STXBP5: variants seen among roughly 807,000 people sequenced by gnomAD.
The protein encoded by STXBP5 is syntaxin binding protein 5, also known as syntaxin-binding protein 5.
A neutral mutation model predicts 152.4 loss-of-function variants in STXBP5; 50 were observed. The observed-to-expected ratio is 0.33, with a 90% CI of 0.26 to 0.42. The LOEUF (loss-of-function observed/expected upper bound fraction) is 0.42, where lower values mean the gene tolerates loss of function less well. Among genes scored for constraint, STXBP5 ranks in the 10% least tolerant of loss-of-function variants. The probability of loss-of-function intolerance (pLI) is 1.00; values close to 1 mark genes in which losing one functional copy is unlikely to be tolerated. For missense variants in STXBP5, 1,167 were observed against 1,388.6 expected, an observed-to-expected ratio of 0.84 and a Z score of 2.54; for synonymous variants, 492 against 494.7, an observed-to-expected ratio of 0.99 and a Z score of 0.07.
At chr6:147,367,216 A>G (rs1450784487) in intron 25 of STXBP5, among the ~76,000 whole-genome samples, 5 of 152,220 alleles carry the variant, frequency 3.3e-5, no homozygotes, top group African/African-American at 1.2e-4. Context: ...AGAAGAAAAG[A>G]TAGTGTACTT....
chr6:147,334,532 G>T (rs940288408), intron 19 of STXBP5, among the ~76,000 whole-genome samples: 5 of 152,054 alleles, frequency 3.3e-5, no homozygotes, highest in Non-Finnish European at 5.9e-5. Context: ...AAATGTCTTA[G>T]TTATCTACCA....
intron 8 of STXBP5, among the ~76,000 whole-genome samples, chr6:147,289,817 A>G (rs1311593472): frequency 6.6e-6 from 1 of 152,148 alleles, no homozygotes; most frequent in Non-Finnish European, 1.5e-5. Flanking sequence ...GGCACAACCT[A>G]TCTAGAATAA....
intron 17 of STXBP5, among the ~76,000 whole-genome samples, chr6:147,326,626 G>A (rs1211515572): frequency 1.3e-5 from 2 of 152,110 alleles, no homozygotes; most frequent in African/African-American, 4.8e-5. Context: ...ATAGTTGATT[G>A]GTTTATAGTT....
intron 4 of STXBP5, among the ~76,000 whole-genome samples, chr6:147,251,409 C>T (rs1326819783): frequency 1.3e-5 from 2 of 152,076 alleles, no homozygotes; most frequent in East Asian, 1.9e-4. Context: ...TTTTTCATAT[C>T]GCAGTGGCAC....
intron 2 of STXBP5, among the ~76,000 whole-genome samples, chr6:147,229,425 C>T (rs1777886110): frequency 6.6e-6 from 1 of 151,634 alleles, no homozygotes; most frequent in Non-Finnish European, 1.5e-5. Flanking sequence ...CTATAAACAG[C>T]TGGGATTCTG....
intron 2 of STXBP5, among the ~76,000 whole-genome samples, chr6:147,213,082 G>T (rs1776941852): frequency 1.3e-5 from 2 of 152,086 alleles, no homozygotes; most frequent in Non-Finnish European, 2.9e-5. Context: ...TTGCTAGTAT[G>T]TAATTTGAGT....
chr6:147,228,384 G>A (rs532092446), intron 2 of STXBP5, among the ~76,000 whole-genome samples: 3 of 151,928 alleles, frequency 2.0e-5, no homozygotes, highest in Admixed American at 6.6e-5. Flanking sequence ...GCAAGTGGTC[G>A]CTTGTTTGTT....
intron 23 of STXBP5, among the ~76,000 whole-genome samples, chr6:147,361,509 G>C (rs574003913): frequency 5.6e-4 from 86 of 152,214 alleles, no homozygotes; most frequent in South Asian, 1.2e-3. Flanking sequence ...CGGTATTGGA[G>C]CCCTGAGAAG....
In STXBP5 at chr6:147,390,222, C is replaced by CT. The variant is rs1353287452; in HGVS notation, c.*5468dup. 1 of 152,058 alleles carries CT rather than the reference C, an allele frequency of 6.6e-6. No individual in the cohort carries two copies. The highest frequency in any genetic ancestry group is 1.9e-4 in the East Asian group (1 of 5,168). The allele number at this position is 152,058 out of a possible 1,614,324, so 9.4% of individuals were successfully genotyped here. A position where few individuals can be genotyped will look rare whatever the true frequency, so the allele number is the denominator to read the frequency against. On this transcript the variant is annotated 3_prime_UTR_variant, in exon 28 of 28. Transcript: ENST00000321680. ...AAAAAGAAAAGCACTATTGGAAACA[C>CT]TAAAAACGTGTTAAACTTTGTAGTT...
At chr6:147,252,007 TAACA>T (rs979441655) in intron 4 of STXBP5, among the ~76,000 whole-genome samples, 34 of 152,030 alleles carry the variant, frequency 2.2e-4, no homozygotes, top group African/African-American at 5.8e-4. Flanking sequence ...GAAGGAAAAC[TAACA>T]AACAGAAAGG....
chr6:147,351,527 T>TA (rs1351134492), intron 21 of STXBP5, among the ~76,000 whole-genome samples: 2 of 152,186 alleles, frequency 1.3e-5, no homozygotes, highest in Non-Finnish European at 2.9e-5. Context: ...GTTTTAGAGA[T>TA]ACAATATTTT....
chr6:147,348,541 T>C (rs571515010), intron 21 of STXBP5, among the ~76,000 whole-genome samples: 1 of 152,306 alleles, frequency 6.6e-6, no homozygotes, highest in South Asian at 2.1e-4. Flanking sequence ...AACTTTGACA[T>C]TTTACCAAAG....
intron 4 of STXBP5, among the ~76,000 whole-genome samples, chr6:147,259,730 T>C (rs1213011141): frequency 6.6e-6 from 1 of 151,726 alleles, no homozygotes; most frequent in Non-Finnish European, 1.5e-5. Context: ...AGAGACGAAA[T>C]GGGGGGGTCT....
intron 9 of STXBP5, among the ~76,000 whole-genome samples, chr6:147,298,749 G>A (rs746085855): frequency 2.0e-5 from 3 of 151,950 alleles, no homozygotes; most frequent in African/African-American, 4.8e-5. Context: ...CAATAAAGAC[G>A]TTGAAAATGG....
chr6:147,222,907 G>C (rs1777530284), intron 2 of STXBP5, among the ~76,000 whole-genome samples: 1 of 152,184 alleles, frequency 6.6e-6, no homozygotes, highest in Non-Finnish European at 1.5e-5. Flanking sequence ...TACAGTGCTT[G>C]CTTCCTTACC....
chr6:147,212,110 G>A (rs1419625858), intron 2 of STXBP5, among the ~76,000 whole-genome samples: 2 of 152,170 alleles, frequency 1.3e-5, no homozygotes, highest in Non-Finnish European at 1.5e-5. Context: ...ATGGACTACC[G>A]CAGCAGGAGG....
chr6:147,352,737 G>T (rs186283019), intron 21 of STXBP5, among the ~76,000 whole-genome samples: 1 of 152,300 alleles, frequency 6.6e-6, no homozygotes, highest in African/African-American at 2.4e-5. Flanking sequence ...CTTCTGAGAA[G>T]TTACTGTTTC....
At chr6:147,353,114 G>A (rs529493235) in intron 21 of STXBP5, among the ~76,000 whole-genome samples, 78 of 152,254 alleles carry the variant, frequency 5.1e-4, no homozygotes, top group African/African-American at 1.8e-3. Flanking sequence ...ACTGCACTCA[G>A]CCTGGGCGAT....
rs529918268 is a variant in STXBP5 at position 147,312,204 on chromosome 6, G to A, written c.1145+677G>A. Among the ~76,000 whole-genome samples, 20 of 151,870 alleles carry A rather than the reference G, an allele frequency of 1.3e-4. No homozygotes were observed. The East Asian group carries it at 3.3e-3, about 25-fold the overall frequency. On this transcript the variant is annotated intron_variant, in intron 11 of 27. Transcript: ENST00000321680. ...CAAAGTCAACCTTCTTATCTTTTTC[G>A]GGCTTTTCCTATCCTCTGTTTACCA...
Sources: allele counts gnomAD v4.1 joint callset (sites outside exome capture counted in the v4.1 genomes callset), GRCh38; gene constraint gnomAD v4.1.1; transcripts MANE v1.5; gene names NCBI Gene and HGNC (gene_info 2026-07-23, HGNC 2026-07-21).